Variants in NAALADL2 observed in about 807,000 individuals in gnomAD.
NAALADL2 encodes the protein N-acetylated alpha-linked acidic dipeptidase like 2.
In NAALADL2, 76 loss-of-function variants were observed where a neutral mutation model predicts 87.2. The ratio of observed to expected loss-of-function variants is 0.87; its 90% confidence interval spans 0.72 to 1.05. The LOEUF (loss-of-function observed/expected upper bound fraction) is 1.05, where lower values mean the gene tolerates loss of function less well. NAALADL2 is among the 50% of genes least tolerant of loss of function. The pLI, the probability that NAALADL2 is intolerant of heterozygous loss-of-function variation, is 0.00. For missense variants in NAALADL2, 1,089 were observed against 945.8 expected (o/e 1.15, Z -1.99); for synonymous variants, 354 against 331.0 (o/e 1.07, Z -0.75).
intron 2 of NAALADL2, among the ~76,000 whole-genome samples, chr3:174,565,536 T>A (rs1374493306): frequency 6.6e-6 from 1 of 152,072 alleles, no homozygotes; most frequent in Admixed American, 6.6e-5. Context: ...CAGTATTACA[T>A]TTTATAAGTG....
chr3:174,958,826 A>T (rs1235927466), intron 1 of NAALADL2, among the ~76,000 whole-genome samples: 1 of 152,106 alleles, frequency 6.6e-6, no homozygotes, highest in Non-Finnish European at 1.5e-5. Flanking sequence ...TTGTACAGTC[A>T]TAAGAAATTT....
At chr3:175,800,130 G>T (rs938927267) in intron 13 of NAALADL2, among the ~76,000 whole-genome samples, 1 of 152,136 alleles carries the variant, frequency 6.6e-6, no homozygotes, top group African/African-American at 2.4e-5. Context: ...TCCCAGGCCA[G>T]GTGACCACAA....
At chr3:175,668,279 A>G (rs1733481754) in intron 11 of NAALADL2, among the ~76,000 whole-genome samples, 1 of 152,194 alleles carries the variant, frequency 6.6e-6, no homozygotes, top group Non-Finnish European at 1.5e-5. Context: ...GGCTGTAGCT[A>G]TCAGAAGGAG....
intron 10 of NAALADL2, among the ~76,000 whole-genome samples, chr3:175,589,806 AC>A (rs71164641): frequency 0.1 from 9,934 of 95,274 alleles, 827 homozygotes; most frequent in African/African-American, 0.27. Context: ...GAAAAAAAAA[AC>A]AAAAAACCAA....
intron 11 of NAALADL2, among the ~76,000 whole-genome samples, chr3:175,671,340 T>A (rs192699367): frequency 6.6e-6 from 1 of 152,086 alleles, no homozygotes; most frequent in African/African-American, 2.4e-5. Context: ...AAGAAAAAAG[T>A]TCATGGTTGC....
chr3:175,433,025 G>A lies in NAALADL2; in HGVS notation c.1091-14204G>A, dbSNP rs566100952. ...CCTGGTCCAAGACCTGGGATTTTCC[G>A]GCTACTTTATCTCTTTCATTCATTA... On this transcript the variant is annotated intron_variant, in intron 5 of 13. Coordinates refer to ENST00000454872, the MANE Select transcript of NAALADL2 (RefSeq NM_207015.3). Among the ~76,000 whole-genome samples the A allele has an allele frequency of 1.8e-4, 27 of 151,996 alleles. No individual in the cohort carries two copies. The East Asian group carries it at 3.3e-3, about 19-fold the overall frequency.
At chr3:174,708,372 C>A (rs1245455121) in intron 2 of NAALADL2, among the ~76,000 whole-genome samples, 3 of 152,072 alleles carry the variant, frequency 2.0e-5, no homozygotes, top group Non-Finnish European at 4.4e-5. Flanking sequence ...ATGTTTGTTT[C>A]TTTGAAGTTT....
intron 2 of NAALADL2, among the ~76,000 whole-genome samples, chr3:174,563,796 A>G (rs1713911151): frequency 6.6e-6 from 1 of 152,170 alleles, no homozygotes; most frequent in African/African-American, 2.4e-5. Context: ...GAAATTTTTC[A>G]AGACTTACTT....
chr3:175,565,606 A>AC (rs1716977864), intron 9 of NAALADL2, among the ~76,000 whole-genome samples: 1 of 142,766 alleles, frequency 7.0e-6, no homozygotes, highest in Non-Finnish European at 1.5e-5. Flanking sequence ...AAACCTCTGT[A>AC]AGAGACCCTG....
At chr3:175,098,934 TATTGACAC>T (rs1244511081) in intron 2 of NAALADL2, among the ~76,000 whole-genome samples, 1 of 152,004 alleles carries the variant, frequency 6.6e-6, no homozygotes, top group Non-Finnish European at 1.5e-5. Context: ...GTTTTTAATT[TATTGACAC>T]AATGAATACC....
chr3:174,532,220 T>C (rs1721313184), intron 1 of NAALADL2, among the ~76,000 whole-genome samples: 1 of 152,208 alleles, frequency 6.6e-6, no homozygotes, highest in Non-Finnish European at 1.5e-5. Context: ...GTCAGATCCC[T>C]GTCCTTGGGT....
chr3:175,631,830 G>A (rs1428671404), intron 11 of NAALADL2, among the ~76,000 whole-genome samples: 1 of 151,782 alleles, frequency 6.6e-6, no homozygotes, highest in Non-Finnish European at 1.5e-5. Flanking sequence ...TCCACACCTA[G>A]GAATTTTCTA....
chr3:175,098,348 T>C (rs542523233), intron 2 of NAALADL2, among the ~76,000 whole-genome samples: 35 of 152,236 alleles, frequency 2.3e-4, no homozygotes, highest in African/African-American at 8.2e-4. Flanking sequence ...TTCCTGAATA[T>C]TTAAAGTAGA....
intron 13 of NAALADL2, among the ~76,000 whole-genome samples, chr3:175,788,886 A>C (rs1752437475): frequency 6.6e-6 from 1 of 152,210 alleles, no homozygotes; most frequent in Admixed American, 6.5e-5. Context: ...AATTTTTATT[A>C]GCATATCATG....
intron 2 of NAALADL2, among the ~76,000 whole-genome samples, chr3:174,700,218 T>C (rs1181137551): frequency 7.1e-6 from 1 of 140,064 alleles, no homozygotes; most frequent in Admixed American, 7.9e-5. Flanking sequence ...GTTTGTAGAT[T>C]TTTTGCCACA....
At chr3:174,652,460 C>A (rs1410221119) in intron 2 of NAALADL2, among the ~76,000 whole-genome samples, 1 of 152,100 alleles carries the variant, frequency 6.6e-6, no homozygotes, top group Admixed American at 6.6e-5. Context: ...GCTGGGGAGG[C>A]CTCACAATCA....
chr3:174,811,919 T>C (rs1211885065), intron 3 of NAALADL2, among the ~76,000 whole-genome samples: 1 of 152,186 alleles, frequency 6.6e-6, no homozygotes, highest in African/African-American at 2.4e-5. Context: ...GTTCTTGTGA[T>C]AGAGTTCTTA....
intron 5 of NAALADL2, among the ~76,000 whole-genome samples, chr3:175,383,806 A>C (rs978380405): frequency 5.3e-5 from 8 of 152,074 alleles, no homozygotes; most frequent in African/African-American, 1.4e-4. Context: ...TAATGAACAG[A>C]GAGAAATATA....
At chr3:175,795,033 A>C (rs1487080514) in intron 13 of NAALADL2, among the ~76,000 whole-genome samples, 1 of 152,110 alleles carries the variant, frequency 6.6e-6, no homozygotes, top group African/African-American at 2.4e-5. Flanking sequence ...CTTCCTCTTC[A>C]TATAAAGGCA....
Sources: allele counts gnomAD v4.1 joint callset (sites outside exome capture counted in the v4.1 genomes callset), GRCh38; gene constraint gnomAD v4.1.1; transcripts MANE v1.5; gene names NCBI Gene and HGNC (gene_info 2026-07-23, HGNC 2026-07-21).